Variants in PARL observed in about 807,000 individuals in gnomAD.
PARL encodes the protein presenilin associated rhomboid like.
In PARL, 44 loss-of-function variants were observed where a neutral mutation model predicts 51.6. That is an observed-to-expected ratio of 0.85 (90% CI 0.67 to 1.10). PARL has a LOEUF of 1.10. Ranked by LOEUF, PARL falls within the 50% of genes least tolerant of loss-of-function variation. PARL has a pLI of 0.00. For synonymous variants in PARL, 172 were observed against 164.0 expected, an observed-to-expected ratio of 1.05 and a Z score of -0.37; for missense variants, 441 against 469.5, an observed-to-expected ratio of 0.94 and a Z score of 0.56.
At chr3:183,875,031 T>C (rs944145637) in intron 1 of PARL, among the ~76,000 whole-genome samples, 1 of 152,152 alleles carries the variant, frequency 6.6e-6, no homozygotes, top group Non-Finnish European at 1.5e-5. Context: ...ACAAATGCAT[T>C]GCTGCACTCC....
chr3:183,832,618 G>A (rs1008522960), intron 9 of PARL, among the ~76,000 whole-genome samples: 11 of 152,144 alleles, frequency 7.2e-5, no homozygotes, highest in African/African-American at 2.7e-4. Flanking sequence ...ATTTATGTAA[G>A]AAAAGACAGG....
downstream of PARL, among the ~76,000 whole-genome samples, chr3:183,827,267 C>T (rs567546856): frequency 6.6e-6 from 1 of 152,062 alleles, no homozygotes; most frequent in Non-Finnish European, 1.5e-5. Flanking sequence ...GCCTGGGCAA[C>T]ACAGTGAGAC....
At chr3:183,837,468 A>G (rs928458679) in intron 7 of PARL, among the ~76,000 whole-genome samples, 8 of 152,226 alleles carry the variant, frequency 5.3e-5, no homozygotes, top group Non-Finnish European at 1.2e-4. Flanking sequence ...TACGCCTAAC[A>G]GGCGGTGTCA....
chr3:183,840,678 T>G, intron 6 of PARL, 38 bp from the exon 7 acceptor site: 2 of 1,002,780 alleles, frequency 2.0e-6, no homozygotes, highest in Non-Finnish European at 1.5e-6. Context: ...TTAAGTGAGG[T>G]ATAAAAATGG....
chr3:183,869,504 G>A (rs1480655959), intron 1 of PARL, among the ~76,000 whole-genome samples: 1 of 151,868 alleles, frequency 6.6e-6, no homozygotes, highest in Non-Finnish European at 1.5e-5. Flanking sequence ...CACTGCGCCT[G>A]GCTATACCTT....
intron 3 of PARL, among the ~76,000 whole-genome samples, chr3:183,866,191 G>A (rs935638490): frequency 6.6e-6 from 1 of 152,132 alleles, no homozygotes; most frequent in Non-Finnish European, 1.5e-5. Context: ...ACAACTATCC[G>A]TGGTGATTTT....
At chr3:183,836,291 C>T (rs1276839681) in intron 7 of PARL, among the ~76,000 whole-genome samples, 4 of 146,968 alleles carry the variant, frequency 2.7e-5, no homozygotes, top group Non-Finnish European at 6.0e-5. Context: ...GATGATTATT[C>T]TCCATCTGTT....
At chr3:183,843,891 T>C (rs892909903) in intron 5 of PARL, among the ~76,000 whole-genome samples, 6 of 151,854 alleles carry the variant, frequency 4.0e-5, no homozygotes, top group Admixed American at 1.3e-4. Context: ...ATACAAAAAC[T>C]AGCTGGGTGT....
intron 5 of PARL, chr3:183,843,097 T>G: frequency 2.2e-6 from 1 of 447,166 alleles, no homozygotes; most frequent in Non-Finnish European, 3.0e-6. Context: ...TTTCCCAGGC[T>G]GGTCTCGAAC....
At chr3:183,856,175 G>T (rs1435354093) in intron 4 of PARL, among the ~76,000 whole-genome samples, 2 of 152,226 alleles carry the variant, frequency 1.3e-5, no homozygotes, top group South Asian at 2.1e-4. Context: ...TTGGTTCAAT[G>T]ACCTCAGGTT....
At chr3:183,839,246 A>C (rs1368095079) in intron 7 of PARL, among the ~76,000 whole-genome samples, 1 of 152,152 alleles carries the variant, frequency 6.6e-6, no homozygotes, top group Non-Finnish European at 1.5e-5. Flanking sequence ...TTCAAAATTG[A>C]CCTTTTTAGA....
intron 1 of PARL, among the ~76,000 whole-genome samples, chr3:183,876,675 AAT>A (rs1733889416): frequency 6.6e-6 from 1 of 150,964 alleles, no homozygotes; most frequent in Non-Finnish European, 1.5e-5. Context: ...AAGAAAAAGA[AAT>A]ATATTTTGTA....
intron 5 of PARL, 57 bp downstream of exon 5, chr3:183,844,174 G>A (rs1035222895): frequency 1.1e-5 from 13 of 1,164,184 alleles, no homozygotes; most frequent in East Asian, 2.3e-5. Flanking sequence ...ATTAACTAAA[G>A]CATATTTCTT....
intron 1 of PARL, chr3:183,883,801 T>C (rs1036532553): frequency 3.7e-6 from 2 of 547,242 alleles, no homozygotes; most frequent in Non-Finnish European, 4.7e-6. Flanking sequence ...CTCTCCTGAT[T>C]GTGATTTGGG....
intron 4 of PARL, among the ~76,000 whole-genome samples, chr3:183,859,101 C>G (rs978436977): frequency 6.6e-6 from 1 of 152,032 alleles, no homozygotes; most frequent in Admixed American, 6.6e-5. Flanking sequence ...GTCAGAAGAT[C>G]TAGACCATCC....
Position 183,829,636 on chromosome 3 carries a change from T to G in PARL, c.1102A>C (p.Arg368=), listed in dbSNP as rs1265544429. Residue 368 remains arginine (R), a synonymous_variant, in exon 10 of 10, where the codon AGG becomes CGG. Transcript: ENST00000317096. ...EPLVKIWHEI[R]TNGPKKGGGS... is the part of the protein sequence containing the mutation. Reference sequence around the variant, plus strand: ...CCTCCTTTTTTGGGGCCATTAGTCCTTATTTCATGCCAGATTTTCACTAGC... The same window carrying G: ...CCTCCTTTTTTGGGGCCATTAGTCCGTATTTCATGCCAGATTTTCACTAGC... 6.2e-7 allele frequency: 1 copy of G among 1,614,158 alleles called. No individual in the cohort carries two copies. Among genetic ancestry groups the G allele is most frequent in the Non-Finnish European group, 8.5e-7 (1 of 1,180,002 alleles).
chr3:183,864,897 A>T (rs914100490), intron 3 of PARL, among the ~76,000 whole-genome samples: 1 of 145,814 alleles, frequency 6.9e-6, no homozygotes, highest in Non-Finnish European at 1.5e-5. Flanking sequence ...TAAAAGCTCC[A>T]TATTTCTTTT....
intron 7 of PARL, among the ~76,000 whole-genome samples, chr3:183,839,796 A>T (rs1480708747): frequency 6.6e-6 from 1 of 152,090 alleles, no homozygotes; most frequent in Non-Finnish European, 1.5e-5. Flanking sequence ...GCAGTGGTAC[A>T]ATCACAGCTC....
intron 5 of PARL, 108 bp downstream of exon 5, chr3:183,844,123 G>A (rs1038973980): frequency 2.1e-5 from 17 of 807,128 alleles, no homozygotes; most frequent in Non-Finnish European, 3.6e-5. Context: ...CATTTTGCTT[G>A]TAGCTATTGA....
Sources: allele counts gnomAD v4.1 joint callset (sites outside exome capture counted in the v4.1 genomes callset), GRCh38; gene constraint gnomAD v4.1.1; transcripts MANE v1.5; gene names NCBI Gene and HGNC (gene_info 2026-07-23, HGNC 2026-07-21).